Variants in CSNK1G1 observed in about 807,000 individuals in gnomAD.
The protein encoded by CSNK1G1 is casein kinase 1 gamma 1, also known as casein kinase I isoform gamma-1.
A neutral mutation model predicts 59.6 loss-of-function variants in CSNK1G1; 22 were observed. The ratio of observed to expected loss-of-function variants is 0.37; its 90% CI spans 0.26 to 0.53. The LOEUF is 0.53. Among genes scored for constraint, CSNK1G1 ranks in the 20% least tolerant of loss-of-function variants. The pLI is 0.89. For missense variants in CSNK1G1, 384 were observed against 519.5 expected (o/e 0.74, Z 2.54); for synonymous variants, 179 against 177.1 (o/e 1.01, Z -0.08).
At position 64,216,639 on chromosome 15, in the gene CSNK1G1, G is replaced by A; in HGVS notation, c.367C>T (p.Pro123Ser). 1 of 1,613,730 alleles carries A rather than the reference G, an allele frequency of 6.2e-7. No individual in the cohort carries two copies. The highest frequency in any genetic ancestry group is 8.5e-7 in the Non-Finnish European group (1 of 1,179,802). ...AGGTCAAACAAGTCCTCCAAGCTAG[G>A]GCCAAGGAGCTCCAGCACCATGGCA... ...YNAMVLELLGPSLEDLFDLCD... is the reference protein window; with the variant it reads ...YNAMVLELLGSSLEDLFDLCD... The change falls in exon 5 of 12, where the codon CCT becomes TCT. Residue 123 changes from proline to serine, a missense_variant. Around this residue, in one of 3 missense-constraint regions of CSNK1G1, gnomAD observed 325 missense variants for 440.9 expected, o/e 0.74. Coordinates refer to ENST00000303052, the MANE Select transcript of CSNK1G1 (RefSeq NM_022048.5). The surrounding 1 kb of genome is among the most constrained non-coding windows in gnomAD (Gnocchi z 4.6).
At chr15:64,181,616 C>T (rs959658616) in intron 10 of CSNK1G1, 34 of 542,058 alleles carry the variant, frequency 6.3e-5, no homozygotes, top group Non-Finnish European at 9.8e-5. Flanking sequence ...GTAGAAATTG[C>T]CCTAATCAGC....
chr15:64,175,586 C>T (rs1290855088), intron 11 of CSNK1G1, among the ~76,000 whole-genome samples: 1 of 152,098 alleles, frequency 6.6e-6, no homozygotes, highest in Non-Finnish European at 1.5e-5. Flanking sequence ...GAACCTTTTC[C>T]AGGAGTGGAA....
chr15:64,231,284 C>A (rs1028634349), intron 4 of CSNK1G1, among the ~76,000 whole-genome samples: 1 of 149,214 alleles, frequency 6.7e-6, no homozygotes, highest in African/African-American at 2.4e-5. Context: ...TGTGATGACA[C>A]CACTGCACTT....
At chr15:64,177,037 AC>A (rs924852808) in intron 11 of CSNK1G1, among the ~76,000 whole-genome samples, 1 of 152,068 alleles carries the variant, frequency 6.6e-6, no homozygotes, top group African/African-American at 2.4e-5. Context: ...TGCCCTCACC[AC>A]CCTTTAAACC....
chr15:64,207,713 T>G, intron 6 of CSNK1G1, 119 bp from the exon 7 acceptor site: 1 of 693,214 alleles, frequency 1.4e-6, no homozygotes, highest in Non-Finnish European at 2.5e-6. Context: ...TACTAATTAC[T>G]TGTATATTTA....
rs373688886 is a variant in CSNK1G1, at chr15:64,214,101, G to A, written c.468C>T (p.His156=). The change falls in exon 6 of 12, where the codon CAC becomes CAT. Residue 156 remains histidine (H), a synonymous_variant. Transcript: ENST00000303052. The surrounding 1 kb of genome is among the most constrained non-coding windows in gnomAD (Gnocchi z 4.3). ...IQLLSRMEYV[H]SKNLIYRDVK... ...CATCTCGGTAAATGAGGTTCTTTGAGTGCACGTATTCCATTCGAGAAAGCT... is the reference window on the plus strand; with the variant it reads ...CATCTCGGTAAATGAGGTTCTTTGAATGCACGTATTCCATTCGAGAAAGCT... 4.3e-5 allele frequency: 70 copies of A among 1,613,700 alleles called. 1 individual carries two copies. The Middle Eastern group carries it at 8.2e-4, about 19-fold the overall frequency.
chr15:64,322,599 G>A (rs1355269289), intron 1 of CSNK1G1, among the ~76,000 whole-genome samples: 1 of 151,964 alleles, frequency 6.6e-6, no homozygotes, highest in Non-Finnish European at 1.5e-5. Context: ...TTGATCCCTT[G>A]AGCCCAGTAA....
At chr15:64,179,923 GC>G in intron 11 of CSNK1G1, 1 of 164,808 alleles carries the variant, frequency 6.1e-6, no homozygotes, top group South Asian at 1.6e-4. Context: ...GAACAAAATG[GC>G]CCTGAACTCC....
At chr15:64,314,606 G>C (rs79163297) in intron 1 of CSNK1G1, among the ~76,000 whole-genome samples, 3 of 144,016 alleles carry the variant, frequency 2.1e-5, no homozygotes, top group Non-Finnish European at 4.5e-5. Flanking sequence ...CTGAGATTTT[G>C]TTCCCTTTAA....
intron 2 of CSNK1G1, 84 bp downstream of exon 2, chr15:64,300,235 T>G: frequency 4.4e-6 from 6 of 1,353,016 alleles, no homozygotes; most frequent in Non-Finnish European, 6.1e-6. Context: ...CTTGTAAAAC[T>G]ATAAACGGCT....
chr15:64,349,515 G>A (rs1343052302), intron 1 of CSNK1G1, among the ~76,000 whole-genome samples: 2 of 152,128 alleles, frequency 1.3e-5, no homozygotes, highest in Admixed American at 1.3e-4. Flanking sequence ...TGCCCACTTG[G>A]AGCTTCTGGG....
intron 4 of CSNK1G1, among the ~76,000 whole-genome samples, chr15:64,226,837 G>T (rs1331880934): frequency 1.3e-5 from 2 of 152,104 alleles, no homozygotes; most frequent in African/African-American, 4.8e-5. Context: ...AAGTCAAGAA[G>T]GTTCTAGCAA....
intron 1 of CSNK1G1, among the ~76,000 whole-genome samples, chr15:64,311,146 C>T (rs1049313549): frequency 6.6e-6 from 1 of 151,848 alleles, no homozygotes; most frequent in Non-Finnish European, 1.5e-5. Flanking sequence ...TTCCACCTCC[C>T]GGGATTCTCC....
At chr15:64,258,094 A>T (rs1892487598) in intron 3 of CSNK1G1, among the ~76,000 whole-genome samples, 1 of 152,180 alleles carries the variant, frequency 6.6e-6, no homozygotes, top group Admixed American at 6.5e-5. Flanking sequence ...ATCACAGAAC[A>T]AGTGTGGATG....
At chr15:64,246,398 G>A (rs1891756660) in intron 4 of CSNK1G1, among the ~76,000 whole-genome samples, 1 of 152,090 alleles carries the variant, frequency 6.6e-6, no homozygotes, top group Non-Finnish European at 1.5e-5. Flanking sequence ...AAGGTGAGAG[G>A]ATCACCTGGG....
chr15:64,319,133 C>G (rs1223802481), intron 1 of CSNK1G1, among the ~76,000 whole-genome samples: 1 of 152,090 alleles, frequency 6.6e-6, no homozygotes, highest in African/African-American at 2.4e-5. Flanking sequence ...AATTAACAAG[C>G]GTGAGCTACT....
chr15:64,313,430 A>G (rs1896098496), intron 1 of CSNK1G1, among the ~76,000 whole-genome samples: 1 of 152,194 alleles, frequency 6.6e-6, no homozygotes, highest in Non-Finnish European at 1.5e-5. Context: ...ATAAAAAAAG[A>G]TGGGTTCATG....
rs145663344 is a variant in CSNK1G1 at position 64,204,949 on chromosome 15, C to T, written c.766G>A (p.Ala256Thr). ...RGSLPWQGLK[A>T]DTLKERYQKI... ...TGATATCTCTCTTTTAATGTGTCAG[C>T]CTGTAGAGAGTAAAGAGAGAAAGTT... Residue 256 changes from alanine (A) to threonine (T), a missense_variant and splice_region_variant, in exon 8 of 12, where the codon GCT becomes ACT. Coordinates refer to ENST00000303052, the MANE Select transcript of CSNK1G1 (RefSeq NM_022048.5). The T allele has an allele frequency of 6.4e-7, 1 of 1,572,690 alleles. No homozygotes were observed. Among genetic ancestry groups the T allele is most frequent in the Non-Finnish European group, 8.7e-7 (1 of 1,144,370 alleles).
chr15:64,249,582 C>A (rs16947844), intron 4 of CSNK1G1, among the ~76,000 whole-genome samples: 11,783 of 152,220 alleles, frequency 0.077, 643 homozygotes, highest in African/African-American at 0.15. Flanking sequence ...TATGAGTCAA[C>A]AGTTGGCCTA....
Sources: gnomAD v4.1 joint callset for allele counts (sites outside exome capture counted in the v4.1 genomes callset) on GRCh38, gnomAD v4.1.1 for gene constraint, gnomAD v4.1.1 regional missense constraint, Gnocchi (gnomAD v3.1) non-coding constraint, MANE v1.5 for transcripts, NCBI Gene and HGNC (gene_info 2026-07-23, HGNC 2026-07-21) for gene names.